DIAPH2: variants seen among roughly 807,000 people sequenced by gnomAD.
The protein encoded by DIAPH2 is diaphanous related formin 2, also known as protein diaphanous homolog 2.
Under a neutral mutation model 92.7 loss-of-function variants are expected in DIAPH2, and 35 were observed. That is an observed-to-expected ratio of 0.38 (90% confidence interval 0.29 to 0.50). The LOEUF (loss-of-function observed/expected upper bound fraction) is 0.50, where lower values mean the gene tolerates loss of function less well. DIAPH2 is among the 20% of genes least tolerant of loss of function. The pLI is 0.94. For synonymous variants in DIAPH2, 301 were observed against 280.4 expected, an observed-to-expected ratio of 1.07 and a Z score of -0.73; for missense variants, 701 against 819.5, an observed-to-expected ratio of 0.86 and a Z score of 1.77.
At chrX:97,492,993 C>G (rs1403751355) in intron 26 of DIAPH2, among the ~76,000 whole-genome samples, 1 of 112,242 alleles carries the variant, frequency 8.9e-6, no homozygotes. Context: ...CCCTGACTAT[C>G]TCTCTTCTCC....
chrX:97,544,006 T>C (rs902909831), intron 26 of DIAPH2, among the ~76,000 whole-genome samples: 8 of 112,296 alleles, frequency 7.1e-5, no homozygotes, highest in African/African-American at 2.3e-4. Flanking sequence ...TAAATGTAAA[T>C]AGATCGTTTG....
intron 4 of DIAPH2, among the ~76,000 whole-genome samples, chrX:96,806,755 T>C (rs779916821): frequency 9.2e-6 from 1 of 108,627 alleles, no homozygotes; most frequent in Non-Finnish European, 1.9e-5. Context: ...TTTTTTTTTT[T>C]TTTGAGACGG....
At chrX:97,273,159 A>AAAT (rs1004055772) in intron 23 of DIAPH2, among the ~76,000 whole-genome samples, 2 of 112,031 alleles carry the variant, frequency 1.8e-5, no homozygotes, top group East Asian at 5.6e-4. Flanking sequence ...CCATCTCAAA[A>AAAT]AATAATAATA....
chrX:96,836,051 G>C (rs981791228), intron 4 of DIAPH2, among the ~76,000 whole-genome samples: 7 of 110,782 alleles, frequency 6.3e-5, no homozygotes, highest in Non-Finnish European at 1.1e-4. Context: ...CTGGGCTCAA[G>C]TGATCTGCCT....
chrX:96,739,032 A>G (rs1047824175), intron 3 of DIAPH2, among the ~76,000 whole-genome samples: 2 of 111,442 alleles, frequency 1.8e-5, no homozygotes, highest in African/African-American at 3.3e-5. Flanking sequence ...AGTAGTCTCT[A>G]GGACATCGAG....
chrX:97,556,302 G>C (rs1412315970), intron 26 of DIAPH2, among the ~76,000 whole-genome samples: 2 of 111,913 alleles, frequency 1.8e-5, no homozygotes, highest in Non-Finnish European at 3.8e-5. Context: ...GATCTCCTCT[G>C]TTAAGTTGTT....
intron 22 of DIAPH2, among the ~76,000 whole-genome samples, chrX:97,179,151 T>C (rs2067518461): frequency 9.0e-6 from 1 of 110,825 alleles, no homozygotes. Context: ...TCGGTGTTAG[T>C]GGTGGTAATG....
intron 23 of DIAPH2, among the ~76,000 whole-genome samples, chrX:97,322,903 C>CT (rs1160046333): frequency 0.07 from 5,384 of 76,834 alleles, 391 homozygotes; most frequent in African/African-American, 0.18. Flanking sequence ...TATCCCAGTT[C>CT]TTTTTTTTTT....
At chrX:97,568,324 C>T (rs2071342350) in intron 26 of DIAPH2, among the ~76,000 whole-genome samples, 1 of 110,111 alleles carries the variant, frequency 9.1e-6, no homozygotes, top group South Asian at 3.9e-4. Context: ...ACCAATAACA[C>T]TGGGAATGTA....
chrX:97,273,286 AATAC>A (rs757275642), intron 23 of DIAPH2, among the ~76,000 whole-genome samples: 19 of 112,407 alleles, frequency 1.7e-4, no homozygotes, highest in Non-Finnish European at 3.6e-4. Context: ...GAATACAAGA[AATAC>A]ATACAAGAAA....
intron 19 of DIAPH2, among the ~76,000 whole-genome samples, chrX:97,094,886 G>T (rs1483919391): frequency 5.4e-5 from 6 of 110,272 alleles, no homozygotes; most frequent in Non-Finnish European, 1.1e-4. Context: ...ACCAAGTACT[G>T]GCATGAAACT....
intron 17 of DIAPH2, among the ~76,000 whole-genome samples, chrX:97,065,332 A>C (rs1017689292): frequency 8.9e-5 from 10 of 111,838 alleles, no homozygotes; most frequent in Non-Finnish European, 1.7e-4. Context: ...GTTAACAGGA[A>C]ACCACCTTGA....
chrX:96,881,534 T>G, intron 4 of DIAPH2, 45 bp from the exon 5 acceptor site: 1 of 1,133,904 alleles, frequency 8.8e-7, no homozygotes, highest in Non-Finnish European at 1.2e-6. Flanking sequence ...TACTTAAATT[T>G]TTTTTGAAAC....
At chrX:96,822,502 T>A in intron 4 of DIAPH2, among the ~76,000 whole-genome samples, 1 of 111,987 alleles carries the variant, frequency 8.9e-6, no homozygotes, top group Middle Eastern at 4.6e-3. Flanking sequence ...AGGTGAATTT[T>A]AAAAATTAGA....
At chrX:97,570,097 TATA>T (rs1346682057) in intron 26 of DIAPH2, among the ~76,000 whole-genome samples, 3 of 30,577 alleles carry the variant, frequency 9.8e-5, no homozygotes, top group African/African-American at 3.0e-4. Context: ...TATATATATA[TATA>T]TATATATATA....
intron 21 of DIAPH2, among the ~76,000 whole-genome samples, chrX:97,121,355 C>T (rs764786153): frequency 1.4e-4 from 16 of 111,876 alleles, no homozygotes; most frequent in African/African-American, 5.2e-4. Flanking sequence ...ATATGGCCAC[C>T]TTTTCACCGT....
intron 26 of DIAPH2, among the ~76,000 whole-genome samples, chrX:97,450,401 G>T (rs1430834113): frequency 8.9e-6 from 1 of 111,803 alleles, no homozygotes; most frequent in East Asian, 2.8e-4. Context: ...CATAAGCTTG[G>T]TTAGTTTCTT....
At position 97,355,771 on chromosome X, in the gene DIAPH2, T is replaced by A. The variant is rs1345466466; in HGVS notation, c.3009+7491T>A. On this transcript the variant is annotated intron_variant, in intron 24 of 26. Coordinates refer to ENST00000324765, the MANE Select transcript of DIAPH2 (RefSeq NM_006729.5). ...TTTCCCCCACTGGCAGGACTCAAGC[T>A]CTTTACAAAGTCTTTACCCCTAAAA... is the stretch of plus-strand genomic sequence containing the variant. 2.7e-5 allele frequency among the ~76,000 whole-genome samples: 3 copies of A among 111,445 alleles called. No individual in the cohort carries two copies. In the Admixed American group the frequency reaches 2.9e-4, roughly 11 times the overall value.
intron 1 of DIAPH2, among the ~76,000 whole-genome samples, chrX:96,700,291 A>G (rs1325886178): frequency 8.9e-6 from 1 of 112,499 alleles, no homozygotes; most frequent in African/African-American, 3.2e-5. Context: ...GGCCTGAGCC[A>G]TGCATCTGGC....
Sources: gnomAD v4.1 joint callset for allele counts (sites outside exome capture counted in the v4.1 genomes callset) on GRCh38, gnomAD v4.1.1 for gene constraint, MANE v1.5 for transcripts, NCBI Gene and HGNC (gene_info 2026-07-23, HGNC 2026-07-21) for gene names.